NLGN1: variants seen among roughly 807,000 people sequenced by gnomAD.
The protein encoded by NLGN1 is neuroligin 1, also known as neuroligin-1.
Under a neutral mutation model 65.5 loss-of-function variants are expected in NLGN1, and 12 were observed. That is an observed-to-expected ratio of 0.18 (90% CI 0.12 to 0.30). The LOEUF (loss-of-function observed/expected upper bound fraction) is 0.30. Among genes scored for constraint, NLGN1 ranks in the 10% least tolerant of loss-of-function variants. NLGN1 has a pLI of 1.00. For synonymous variants in NLGN1, 350 were observed against 359.5 expected (o/e 0.97, Z 0.30); for missense variants, 750 against 1,007.1 (o/e 0.74, Z 3.46).
rs1737368412 is a variant in NLGN1 at position 173,901,447 on chromosome 3, A to C, written c.646+93615A>C. Among the ~76,000 whole-genome samples the C allele has an allele frequency of 2.0e-5, 3 of 151,630 alleles. No individual in the cohort carries two copies. In the Admixed American group the frequency reaches 2.0e-4, roughly 10 times the overall value. ...TTAGATTTGGATAATATAAAATTAC[A>C]CTTAAATCTGTTTACAATCTCATTT... On this transcript the variant is annotated intron_variant, in intron 4 of 6. Coordinates refer to ENST00000457714, the Ensembl canonical transcript of NLGN1.
the NLGN1 span, among the ~76,000 whole-genome samples, chr3:174,292,498 C>A: frequency 6.8e-6 from 1 of 146,952 alleles, no homozygotes; most frequent in Non-Finnish European, 1.5e-5. Context: ...AATTTAAATT[C>A]TAAAGTGAAT....
chr3:173,907,127 C>T (rs924001840), intron 4 of NLGN1, among the ~76,000 whole-genome samples: 2 of 152,188 alleles, frequency 1.3e-5, no homozygotes, highest in South Asian at 2.1e-4. Flanking sequence ...CTTATTGTTG[C>T]TGGTCAAGCT....
chr3:173,852,350 C>A (rs1235690111), intron 4 of NLGN1, among the ~76,000 whole-genome samples: 2 of 86,794 alleles, frequency 2.3e-5, no homozygotes, highest in Non-Finnish European at 4.1e-5. Flanking sequence ...AGCGAGACTC[C>A]GTCTCAAAAA....
At chr3:173,561,788 T>G (rs1742772969) in intron 2 of NLGN1, among the ~76,000 whole-genome samples, 2 of 152,192 alleles carry the variant, frequency 1.3e-5, no homozygotes, top group African/African-American at 4.8e-5. Context: ...CTGTGAAGAA[T>G]ACAGAGATTA....
intron 4 of NLGN1, among the ~76,000 whole-genome samples, chr3:174,265,765 A>ATATATATATG (rs1449690678): frequency 4.0e-4 from 47 of 116,896 alleles, no homozygotes; most frequent in African/African-American, 1.7e-3. Flanking sequence ...TAAGAAGGCT[A>ATATATATATG]TATATATATA....
intron 4 of NLGN1, among the ~76,000 whole-genome samples, chr3:173,989,895 C>T (rs1415095675): frequency 6.6e-6 from 1 of 152,062 alleles, no homozygotes; most frequent in Admixed American, 6.6e-5. Flanking sequence ...TTATCAGAGC[C>T]ATTTTTGCAC....
intron 1 of NLGN1, among the ~76,000 whole-genome samples, chr3:173,414,110 G>T (rs1713181349): frequency 1.3e-5 from 2 of 152,142 alleles, no homozygotes; most frequent in South Asian, 4.1e-4. Flanking sequence ...GAACAGGAGT[G>T]GGGGCCTGGA....
chr3:173,852,923 C>T (rs1273815410), intron 4 of NLGN1, among the ~76,000 whole-genome samples: 3 of 152,120 alleles, frequency 2.0e-5, no homozygotes, highest in Non-Finnish European at 4.4e-5. Flanking sequence ...ACTGATAGAG[C>T]GTAGATAAAG....
chr3:173,854,356 AT>A (rs141542427), intron 4 of NLGN1, among the ~76,000 whole-genome samples: 35 of 149,638 alleles, frequency 2.3e-4, no homozygotes, highest in African/African-American at 5.9e-4. Context: ...TGTAAGTCTG[AT>A]TTTTTTTTTA....
intron 4 of NLGN1, among the ~76,000 whole-genome samples, chr3:174,180,012 G>C (rs1730100241): frequency 6.6e-6 from 1 of 152,036 alleles, no homozygotes. Context: ...TCCCAAGCTG[G>C]TTCAGTAAGA....
intron 3 of NLGN1, among the ~76,000 whole-genome samples, chr3:173,677,000 C>T (rs1426479674): frequency 6.6e-6 from 1 of 152,058 alleles, no homozygotes; most frequent in East Asian, 1.9e-4. Flanking sequence ...AAAATAGGTT[C>T]GGTGATAGAG....
chr3:173,783,033 T>C (rs1438498042), intron 3 of NLGN1, among the ~76,000 whole-genome samples: 1 of 152,078 alleles, frequency 6.6e-6, no homozygotes, highest in African/African-American at 2.4e-5. Context: ...TAATTTATAA[T>C]TGCTAATGTC....
At chr3:173,881,084 C>G (rs367920098) in intron 4 of NLGN1, among the ~76,000 whole-genome samples, 2 of 150,380 alleles carry the variant, frequency 1.3e-5, no homozygotes, top group Non-Finnish European at 3.0e-5. Context: ...TCTTCAGGCT[C>G]CCTCCTTTTT....
At chr3:173,513,306 A>G (rs1250568381) in intron 2 of NLGN1, among the ~76,000 whole-genome samples, 3 of 152,070 alleles carry the variant, frequency 2.0e-5, no homozygotes, top group Non-Finnish European at 2.9e-5. Flanking sequence ...GTATGCCCCT[A>G]TGACTAATCC....
intron 3 of NLGN1, among the ~76,000 whole-genome samples, chr3:173,764,080 G>A (rs1391054928): frequency 1.3e-5 from 2 of 152,122 alleles, no homozygotes; most frequent in East Asian, 3.9e-4. Flanking sequence ...ACTCTTTGAA[G>A]TTGCCTGTGA....
At position 174,060,011 on chromosome 3, in the gene NLGN1, G is replaced by A. The variant is rs141163934; in HGVS notation, c.647-215304G>A. On this transcript the variant is annotated intron_variant, in intron 4 of 6. Coordinates refer to ENST00000457714, the Ensembl canonical transcript of NLGN1. ...CAGATGAATTTGTGAGTGGGAAGAG[G>A]GACACTCAAAAACGTCACTTAACTT... 9.1e-4 allele frequency among the ~76,000 whole-genome samples: 138 copies of A among 152,064 alleles called. 1 individual carries two copies. Among genetic ancestry groups the A allele is most frequent in the African/African-American group, 3.3e-3 (137 of 41,494 alleles).
chr3:173,399,917 C>T (rs1453621271), intron 1 of NLGN1: 2 of 152,168 alleles, frequency 1.3e-5, no homozygotes, highest in Non-Finnish European at 2.9e-5. Flanking sequence ...TGACGTATCT[C>T]TCTGGGTTTT....
chr3:173,413,223 A>T (rs1384504834), intron 1 of NLGN1, among the ~76,000 whole-genome samples: 5 of 151,980 alleles, frequency 3.3e-5, no homozygotes, highest in African/African-American at 4.8e-5. Flanking sequence ...TTTTAAGAAC[A>T]CAAATTTGCC....
chr3:173,571,528 A>G (rs967889405), intron 2 of NLGN1, among the ~76,000 whole-genome samples: 2 of 152,212 alleles, frequency 1.3e-5, no homozygotes, highest in Non-Finnish European at 2.9e-5. Context: ...GTACTGGACA[A>G]TTTTATCCAT....
Sources: gnomAD v4.1 joint callset for allele counts (sites outside exome capture counted in the v4.1 genomes callset) on GRCh38, gnomAD v4.1.1 for gene constraint, MANE v1.5 for transcripts, NCBI Gene and HGNC (gene_info 2026-07-23, HGNC 2026-07-21) for gene names.